GJA5: variants seen among roughly 807,000 people sequenced by gnomAD.
The protein encoded by GJA5 is gap junction alpha-5 protein.
Under a neutral mutation model 7.9 loss-of-function variants are expected in GJA5, and 3 were observed. That is an observed-to-expected ratio of 0.38 (90% CI 0.17 to 0.99). The LOEUF (loss-of-function observed/expected upper bound fraction) is 0.99, where lower values mean the gene tolerates loss of function less well. Among genes scored for constraint, GJA5 ranks in the 50% least tolerant of loss-of-function variants. The pLI, the probability that GJA5 is intolerant of heterozygous loss-of-function variation, is 0.38. For missense variants in GJA5, 390 were observed against 457.9 expected, an observed-to-expected ratio of 0.85 and a Z score of 1.35; for synonymous variants, 193 against 181.0, an observed-to-expected ratio of 1.07 and a Z score of -0.53.
upstream of GJA5, among the ~76,000 whole-genome samples, chr1:147,762,003 C>A (rs1373967054): frequency 6.6e-6 from 1 of 152,226 alleles, no homozygotes; most frequent in Non-Finnish European, 1.5e-5. Flanking sequence ...CTGTGTTCCA[C>A]TTTCCTCACC....
At chr1:147,769,127 A>G (rs1275698899) in intron 1 of GJA5, among the ~76,000 whole-genome samples, 1 of 152,234 alleles carries the variant, frequency 6.6e-6, no homozygotes, top group African/African-American at 2.4e-5. Flanking sequence ...CCCTCAGCCC[A>G]CAGTGGTCAG....
At chr1:147,769,802 G>A (rs1259919894) in intron 1 of GJA5, among the ~76,000 whole-genome samples, 1 of 151,882 alleles carries the variant, frequency 6.6e-6, no homozygotes, top group Non-Finnish European at 1.5e-5. Context: ...GGAGGTGTAG[G>A]GCCCAATCAA....
At chr1:147,760,276 G>T (rs587650670) in intron 1 of GJA5, among the ~76,000 whole-genome samples, 1 of 152,206 alleles carries the variant, frequency 6.6e-6, no homozygotes, top group South Asian at 2.1e-4. Context: ...TCTGGCCTTT[G>T]TCTGCTTTTC....
In GJA5 at chr1:147,758,347, T is replaced by C; in HGVS notation, c.892A>G (p.Thr298Ala). The C allele has an allele frequency of 6.2e-7, 1 of 1,614,166 alleles. No individual in the cohort carries two copies. Among genetic ancestry groups the C allele is most frequent in the Middle Eastern group, 1.6e-4 (1 of 6,062 alleles). Reference sequence around the variant, plus strand: ...TGCTCCTGACCTCGTACTTGCTCGGTGACCAGGTTGTCTGTGTTTTGTTGG... The same window carrying C: ...TGCTCCTGACCTCGTACTTGCTCGGCGACCAGGTTGTCTGTGTTTTGTTGG... The part of the protein sequence containing the change: ...ASQQNTDNLV[T>A]EQVRGQEQTP... The change falls in exon 2 of 2, where the codon ACC (threonine) becomes GCC (alanine). Residue 298 changes from threonine to alanine, a missense_variant. Physicochemically the swap from Thr to Ala is moderately conservative, Grantham distance 58. Coordinates refer to ENST00000579774, the MANE Select transcript of GJA5 (RefSeq NM_181703.4).
chr1:147,761,627 T>C (rs1390262234), upstream of GJA5, among the ~76,000 whole-genome samples: 4 of 152,238 alleles, frequency 2.6e-5, no homozygotes, highest in Non-Finnish European at 5.9e-5. Context: ...TTTCCTTAGG[T>C]GGCGAAGCGC....
intron 1 of GJA5, among the ~76,000 whole-genome samples, chr1:147,769,974 A>T (rs1415115470): frequency 1.3e-5 from 2 of 151,632 alleles, no homozygotes; most frequent in Admixed American, 6.6e-5. Flanking sequence ...TTTGAATCTG[A>T]TCACCAAGCA....
At position 147,758,581 on chromosome 1, in the gene GJA5, G is replaced by A. The variant is rs1553226912; in HGVS notation, c.658C>T (p.Leu220Phe). ...TGGTAGAGTTCAGCCAGGCTAAGGA[G>A]GAGGGACAGTGCAGCCACAGCCAGC... ...FMLAVAALSL[L>F]LSLAELYHLG... Residue 220 changes from leucine to phenylalanine, a missense_variant, in exon 2 of 2, where the codon CTC becomes TTC. Around this residue, in one of 2 missense-constraint regions of GJA5, gnomAD observed 354 missense variants for 370.9 expected, o/e 0.95. Transcript: ENST00000579774. 1.2e-5 allele frequency: 19 copies of A among 1,613,994 alleles called. No individual in the cohort carries two copies. Among genetic ancestry groups the A allele is most frequent in the Non-Finnish European group, 1.6e-5 (19 of 1,179,880 alleles).
At chr1:147,759,643 G>C (rs1553227169) in intron 1 of GJA5, among the ~76,000 whole-genome samples, 1 of 152,184 alleles carries the variant, frequency 6.6e-6, no homozygotes, top group African/African-American at 2.4e-5. Context: ...TTCTGATGCA[G>C]GCGGTGAGGG....
At chr1:147,760,883 C>A (rs1169641465), upstream of GJA5, among the ~76,000 whole-genome samples, 4 of 150,290 alleles carry the variant, frequency 2.7e-5, no homozygotes, top group Non-Finnish European at 4.5e-5. Flanking sequence ...TGCTCCCATC[C>A]CCCTGTGAAC....
In GJA5 at chr1:147,757,958, C is replaced by T. The variant is rs1309022352; in HGVS notation, c.*204G>A. ...TGGGTAGAGGGTGGGGAGGGAACTG[C>T]AGTCTGGGTGGGTTGTCACCTCTCT... is the stretch of plus-strand genomic sequence containing the variant. On this transcript the variant is annotated 3_prime_UTR_variant, in exon 2 of 2. Transcript: ENST00000579774. The T allele has an allele frequency of 1.7e-4, 103 of 598,572 alleles. No individual in the cohort carries two copies. The highest frequency in any genetic ancestry group is 6.1e-4 in the South Asian group (31 of 50,636). 37.1% of individuals were successfully genotyped at this position (598,572 alleles called of 1,614,324 possible).
upstream of GJA5, among the ~76,000 whole-genome samples, chr1:147,761,676 A>C (rs1486231072): frequency 1.3e-5 from 2 of 152,222 alleles, no homozygotes; most frequent in African/African-American, 2.4e-5. Flanking sequence ...ATTGTGGAGC[A>C]TGTGCTCAAA....
chr1:147,770,024 T>C (rs1213050521), intron 1 of GJA5, among the ~76,000 whole-genome samples: 3 of 151,820 alleles, frequency 2.0e-5, no homozygotes, highest in Non-Finnish European at 4.4e-5. Context: ...GCAGGCTCAG[T>C]TCTACTTGGA....
chr1:147,772,632 C>T (rs1287164958), intron 1 of GJA5, among the ~76,000 whole-genome samples: 2 of 152,104 alleles, frequency 1.3e-5, no homozygotes, highest in Admixed American at 6.5e-5. Flanking sequence ...TCAGTGGGTG[C>T]TTTCCTGGCC....
Position 147,758,600 on chromosome 1 carries a change from A to G in GJA5, c.639T>C (p.Ala213=), listed in dbSNP as rs782453704. Residue 213 remains alanine (A), a synonymous_variant, in exon 2 of 2, where the codon GCT becomes GCC. Transcript: ENST00000579774. ...EKNVFIVFML[A]VAALSLLLSL... ...TAAGGAGGAGGGACAGTGCAGCCAC[A>G]GCCAGCATAAAGACAATGAAGACAT... 4 of 1,613,992 alleles carry G rather than the reference A, an allele frequency of 2.5e-6. No homozygotes were observed. The highest frequency in any genetic ancestry group is 3.4e-6 in the Non-Finnish European group (4 of 1,179,994).
upstream of GJA5, among the ~76,000 whole-genome samples, chr1:147,761,671 G>C (rs1190310191): frequency 6.6e-6 from 1 of 152,192 alleles, no homozygotes; most frequent in Admixed American, 6.5e-5. Context: ...GGAAAATTGT[G>C]GAGCATGTGC....
At chr1:147,762,028 A>C (rs879947351), upstream of GJA5, among the ~76,000 whole-genome samples, 1 of 152,224 alleles carries the variant, frequency 6.6e-6, no homozygotes, top group African/African-American at 2.4e-5. Context: ...AAATGGACAT[A>C]CTATTAACTC....
chr1:147,768,730 T>G (rs1201474967), intron 1 of GJA5, among the ~76,000 whole-genome samples: 1 of 152,208 alleles, frequency 6.6e-6, no homozygotes, highest in Admixed American at 6.5e-5. Context: ...ATAACTATAC[T>G]TTCTAACCCT....
At chr1:147,770,704 T>C (rs1012080986) in intron 1 of GJA5, among the ~76,000 whole-genome samples, 4 of 152,018 alleles carry the variant, frequency 2.6e-5, no homozygotes, top group African/African-American at 9.7e-5. Flanking sequence ...TTAGATAAAC[T>C]CTAAGGTCCC....
upstream of GJA5, among the ~76,000 whole-genome samples, chr1:147,765,484 G>T (rs2148962807): frequency 6.6e-6 from 1 of 152,292 alleles, no homozygotes; most frequent in Admixed American, 6.5e-5. Context: ...AGATAACTCT[G>T]GTGTAGGAGT....
Sources: gnomAD v4.1 joint callset for allele counts (sites outside exome capture counted in the v4.1 genomes callset) on GRCh38, gnomAD v4.1.1 for gene constraint, gnomAD v4.1.1 regional missense constraint, MANE v1.5 for transcripts, NCBI Gene and HGNC (gene_info 2026-07-23, HGNC 2026-07-21) for gene names.